The following KCNK2 variants were observed in gnomAD, a reference collection of about 807,000 sequenced individuals.
KCNK2 encodes the protein potassium two pore domain channel subfamily K member 2.
Under a neutral mutation model 40.5 loss-of-function variants are expected in KCNK2, and 21 were observed. That is an observed-to-expected ratio of 0.52 (90% CI 0.37 to 0.75). The LOEUF (loss-of-function observed/expected upper bound fraction) is 0.75. Ranked by LOEUF, KCNK2 falls within the 30% of genes least tolerant of loss-of-function variation. The pLI is 0.00. For synonymous variants in KCNK2, 191 were observed against 202.2 expected (o/e 0.94, Z 0.47); for missense variants, 399 against 531.6 (o/e 0.75, Z 2.45).
intron 6 of KCNK2, among the ~76,000 whole-genome samples, chr1:215,233,843 T>C (rs773928863): frequency 1.3e-5 from 2 of 152,200 alleles, no homozygotes; most frequent in Non-Finnish European, 2.9e-5. Flanking sequence ...TTATAAAGAT[T>C]CCCATACAAT....
chr1:215,233,887 C>T (rs752080987), intron 6 of KCNK2, among the ~76,000 whole-genome samples: 4 of 152,308 alleles, frequency 2.6e-5, no homozygotes, highest in South Asian at 2.1e-4. Context: ...CACAAACATA[C>T]GGATGCAGTT....
chr1:215,191,411 T>C (rs1005862027), intron 5 of KCNK2, among the ~76,000 whole-genome samples: 2 of 152,146 alleles, frequency 1.3e-5, no homozygotes, highest in African/African-American at 4.8e-5. Flanking sequence ...AGGGACTGTT[T>C]CCAGCAAATG....
intron 1 of KCNK2, among the ~76,000 whole-genome samples, chr1:215,034,147 T>G (rs1015109308): frequency 2.7e-4 from 41 of 152,324 alleles, no homozygotes; most frequent in Non-Finnish European, 5.0e-4. Context: ...AGTTGTTGAC[T>G]TTTTTAGTTT....
chr1:215,159,549 A>G (rs942306350), intron 3 of KCNK2, among the ~76,000 whole-genome samples: 4 of 152,162 alleles, frequency 2.6e-5, no homozygotes, highest in Non-Finnish European at 4.4e-5. Context: ...TTAAAGAAGA[A>G]TATCCTTGCT....
intron 1 of KCNK2, among the ~76,000 whole-genome samples, chr1:215,052,009 G>A (rs1254339901): frequency 6.6e-6 from 1 of 152,118 alleles, no homozygotes; most frequent in African/African-American, 2.4e-5. Flanking sequence ...CATTTATTAA[G>A]TACCTACTAT....
intron 3 of KCNK2, among the ~76,000 whole-genome samples, chr1:215,130,935 A>T (rs956204800): frequency 2.6e-5 from 4 of 151,780 alleles, no homozygotes; most frequent in African/African-American, 7.3e-5. Flanking sequence ...ATCTCGGCTC[A>T]CTGCAAGCTC....
intron 1 of KCNK2, among the ~76,000 whole-genome samples, chr1:215,053,753 G>A (rs374371743): frequency 1.3e-5 from 2 of 152,298 alleles, no homozygotes; most frequent in South Asian, 2.1e-4. Flanking sequence ...GATCACTTAA[G>A]GCCAGGAGTT....
chr1:215,023,987 T>C (rs1296194091), intron 1 of KCNK2, among the ~76,000 whole-genome samples: 1 of 152,150 alleles, frequency 6.6e-6, no homozygotes, highest in Non-Finnish European at 1.5e-5. Flanking sequence ...TTCCTAACCA[T>C]TGCCAGGAAA....
chr1:215,163,988 G>A (rs1413074262), intron 3 of KCNK2, among the ~76,000 whole-genome samples: 1 of 152,144 alleles, frequency 6.6e-6, no homozygotes, highest in African/African-American at 2.4e-5. Flanking sequence ...AGTTTCAGAA[G>A]GAATGGTACC....
chr1:215,146,224 T>C (rs147874778), intron 3 of KCNK2, among the ~76,000 whole-genome samples: 2 of 152,286 alleles, frequency 1.3e-5, no homozygotes, highest in Admixed American at 6.5e-5. Context: ...GGTAGATTAT[T>C]ATTGTTCTTT....
rs374268715 is a variant in KCNK2 at position 215,172,802 on chromosome 1, G to A, written c.823+619G>A. ...CTCCTGAGTAGCTGGGATTACAGGC[G>A]TGTGCCACTAGGCCCAGCTAATTGA... On this transcript the variant is annotated intron_variant, in intron 5 of 6. Transcript: ENST00000444842. 4.8e-4 allele frequency among the ~76,000 whole-genome samples: 73 copies of A among 151,962 alleles called. 3 individuals carry two copies. In the South Asian group the frequency reaches 0.015, roughly 31 times the overall value.
At chr1:215,007,729 A>G (rs1030420959) in intron 1 of KCNK2, among the ~76,000 whole-genome samples, 6 of 152,174 alleles carry the variant, frequency 3.9e-5, no homozygotes, top group Non-Finnish European at 8.8e-5. Flanking sequence ...ACTGACCTCA[A>G]CTTCAACTAA....
chr1:215,032,100 A>G (rs1022269306), intron 1 of KCNK2, among the ~76,000 whole-genome samples: 1 of 148,798 alleles, frequency 6.7e-6, no homozygotes, highest in African/African-American at 2.6e-5. Context: ...ACATCAATTA[A>G]GGATTTTTTT....
intron 1 of KCNK2, among the ~76,000 whole-genome samples, chr1:215,037,932 A>G (rs938865170): frequency 6.6e-5 from 10 of 151,738 alleles, no homozygotes; most frequent in African/African-American, 2.4e-4. Context: ...GATATCCTTT[A>G]GGATATACCT....
At chr1:215,059,216 C>T (rs567735633) in intron 1 of KCNK2, among the ~76,000 whole-genome samples, 1 of 152,084 alleles carries the variant, frequency 6.6e-6, no homozygotes, top group Middle Eastern at 3.4e-3. Context: ...TCCAGGAGAG[C>T]AGAGGCCTTG....
intron 3 of KCNK2, among the ~76,000 whole-genome samples, chr1:215,131,062 G>A (rs144479275): frequency 0.18 from 27,291 of 150,494 alleles, 3,294 homozygotes; most frequent in South Asian, 0.45. Flanking sequence ...GGGTTTCACC[G>A]TGTTAGCCAA....
At chr1:215,150,469 G>A (rs374713894) in intron 3 of KCNK2, among the ~76,000 whole-genome samples, 1 of 151,902 alleles carries the variant, frequency 6.6e-6, no homozygotes, top group Non-Finnish European at 1.5e-5. Context: ...GTAATGATAC[G>A]TTTAAAAATT....
At chr1:215,024,574 G>A (rs755004216) in intron 1 of KCNK2, among the ~76,000 whole-genome samples, 6 of 151,916 alleles carry the variant, frequency 3.9e-5, no homozygotes, top group Non-Finnish European at 8.8e-5. Flanking sequence ...TTTTTTTCAT[G>A]TAATTGTTCT....
At chr1:215,084,263 C>A (rs4589083) in intron 1 of KCNK2, among the ~76,000 whole-genome samples, 142,813 of 151,654 alleles carry the variant, frequency 0.94, 67,623 homozygotes, top group Non-Finnish European at 0.99. Flanking sequence ...ATATAATGGC[C>A]ATGTGGCAAT....
Sources: gnomAD v4.1 joint callset for allele counts (sites outside exome capture counted in the v4.1 genomes callset) on GRCh38, gnomAD v4.1.1 for gene constraint, MANE v1.5 for transcripts, NCBI Gene and HGNC (gene_info 2026-07-23, HGNC 2026-07-21) for gene names.